Variants in EXD1 observed in about 807,000 individuals in gnomAD.
The protein encoded by EXD1 is exonuclease 3'-5' domain containing 1.
Under a neutral mutation model 49.1 loss-of-function variants are expected in EXD1, and 63 were observed. The ratio of observed to expected loss-of-function variants is 1.28; its 90% CI spans 1.05 to 1.58. The LOEUF (loss-of-function observed/expected upper bound fraction) is 1.58, where lower values mean the gene tolerates loss of function less well. EXD1 is among the 40% of genes most tolerant of loss of function. The pLI is 0.00. For missense variants in EXD1, 748 were observed against 666.0 expected (o/e 1.12, Z -1.36); for synonymous variants, 234 against 239.2 (o/e 0.98, Z 0.20).
intron 11 of EXD1, among the ~76,000 whole-genome samples, chr15:41,188,793 T>G (rs1391028385): frequency 6.8e-6 from 1 of 146,358 alleles, no homozygotes; most frequent in Non-Finnish European, 1.5e-5. Context: ...TTTTTTTTCT[T>G]TTCTTTCTTC....
chr15:41,207,050 G>A (rs1390691107), intron 7 of EXD1, among the ~76,000 whole-genome samples: 1 of 143,136 alleles, frequency 7.0e-6, no homozygotes, highest in African/African-American at 2.6e-5. Context: ...AGACCAGCCT[G>A]GCCAACGTGG....
At chr15:41,207,410 T>C (rs1336316763) in intron 7 of EXD1, among the ~76,000 whole-genome samples, 1 of 151,352 alleles carries the variant, frequency 6.6e-6, no homozygotes, top group Admixed American at 6.6e-5. Context: ...TGGTGGCACA[T>C]GCCTGTAATC....
chr15:41,190,466 C>CT, intron 10 of EXD1: 1 of 261,622 alleles, frequency 3.8e-6, no homozygotes, highest in Non-Finnish European at 7.6e-6. Flanking sequence ...GGTGACAGAG[C>CT]GAGACTCCGT....
chr15:41,207,269 T>C (rs1228059692), intron 7 of EXD1, among the ~76,000 whole-genome samples: 2 of 149,928 alleles, frequency 1.3e-5, no homozygotes, highest in African/African-American at 4.9e-5. Context: ...TGGCAGGGTG[T>C]GGTGGCTCAT....
intron 7 of EXD1, among the ~76,000 whole-genome samples, chr15:41,199,761 T>TA (rs1555414722): frequency 3.0e-5 from 4 of 135,494 alleles, no homozygotes; most frequent in South Asian, 2.2e-4. Context: ...ATATGATACA[T>TA]ATATGATATA....
rs775867180 is a variant in EXD1 at position 41,183,977 on chromosome 15, A to G, written c.1673T>C (p.Leu558Ser). Residue 558 changes from leucine to serine, a missense_variant, in exon 12 of 12, where the codon TTG (leucine) becomes TCG (serine). Leu to Ser is a moderately radical substitution (Grantham distance 145). Transcript: ENST00000458580. The stretch of plus-strand genomic sequence containing the variant: ...ACTTATCCAGGAATCGATCTTCTCC[A>G]AGGCTGGACAGGGAGGGAGTGTGGA... ...VVSTLPPCPA[L>S]EKIDSWISPF... The G allele has an allele frequency of 9.0e-5, 145 of 1,611,752 alleles. 1 individual carries two copies. Among genetic ancestry groups the G allele is most frequent in the Non-Finnish European group, 1.0e-5 (12 of 1,178,892 alleles).
At chr15:41,225,161 G>T (rs527869662) in intron 2 of EXD1, among the ~76,000 whole-genome samples, 1 of 152,152 alleles carries the variant, frequency 6.6e-6, no homozygotes, top group Non-Finnish European at 1.5e-5. Context: ...CCATTGCACT[G>T]TTCTTCAGCT....
intron 9 of EXD1, among the ~76,000 whole-genome samples, chr15:41,193,659 G>C (rs1354785539): frequency 1.3e-5 from 2 of 151,950 alleles, no homozygotes; most frequent in Non-Finnish European, 2.9e-5. Context: ...AGGATGGCTT[G>C]AGCCCAGGAC....
At position 41,191,615 on chromosome 15, in the gene EXD1, A is replaced by T. The variant is rs753775128; in HGVS notation, c.721-30T>A. On this transcript the variant is annotated intron_variant, in intron 9 of 11. Transcript: ENST00000458580. Reference sequence around the variant, plus strand: ...GGTATTTTAAAAAGACAAACAGACCAGTTGAATATATACAGAGAGCTATCT... The same window carrying T: ...GGTATTTTAAAAAGACAAACAGACCTGTTGAATATATACAGAGAGCTATCT... 4 of 1,606,150 alleles carry T rather than the reference A, an allele frequency of 2.5e-6. No homozygotes were observed. The Admixed American group carries it at 5.0e-5, about 20-fold the overall frequency.
chr15:41,202,100 A>G (rs2046738472), intron 7 of EXD1, among the ~76,000 whole-genome samples: 1 of 151,966 alleles, frequency 6.6e-6, no homozygotes, highest in Admixed American at 6.6e-5. Flanking sequence ...GAACTATGTT[A>G]TAGCTACAAT....
intron 10 of EXD1, 145 bp from the exon 11 acceptor site, chr15:41,190,273 G>A: frequency 1.3e-6 from 1 of 779,142 alleles, no homozygotes; most frequent in Non-Finnish European, 2.1e-6. Context: ...AAGACATCAA[G>A]ACCATCCTGG....
chr15:41,209,797 A>G (rs950506959), intron 6 of EXD1, among the ~76,000 whole-genome samples: 1 of 152,188 alleles, frequency 6.6e-6, no homozygotes, highest in African/African-American at 2.4e-5. Context: ...TGTTTTAGCA[A>G]AAGTGTTCCA....
chr15:41,213,805 T>G lies in EXD1; in HGVS notation c.447+1970A>C, dbSNP rs575320646. Among the ~76,000 whole-genome samples, 229 of 152,238 alleles carry G rather than the reference T, an allele frequency of 1.5e-3. 1 individual carries two copies. Among genetic ancestry groups the G allele is most frequent in the African/African-American group, 5.3e-3 (222 of 41,536 alleles). On this transcript the variant is annotated intron_variant, in intron 6 of 11. Transcript: ENST00000458580. ...TGGTATACTGAAAATATTCTAAAAT[T>G]TATTATGTTGCTTTACTTACAACTC...
chr15:41,209,403 C>T (rs1402770466), intron 7 of EXD1, 98 bp downstream of exon 7: 3 of 998,646 alleles, frequency 3.0e-6, no homozygotes, highest in East Asian at 2.6e-5. Context: ...GAGTGAGATC[C>T]CATCTCTAAA....
chr15:41,229,545 G>C (rs1216199571), intron 1 of EXD1, among the ~76,000 whole-genome samples: 1 of 152,130 alleles, frequency 6.6e-6, no homozygotes, highest in Non-Finnish European at 1.5e-5. Flanking sequence ...GAAGCGGGCA[G>C]ATCACCTGAG....
rs746726661 is a variant in EXD1, at chr15:41,184,477, T to G, written c.1173A>C (p.Thr391=). 2 of 1,614,192 alleles carry G rather than the reference T, an allele frequency of 1.2e-6. No homozygotes were observed. The highest frequency in any genetic ancestry group is 2.2e-5 in the South Asian group (2 of 91,082). ...RVNAQGLLIR[T]VLQPKKLVTE... Reference sequence around the variant, plus strand: ...TCACTAATTTCTTTGGCTGTAGCACTGTCCTTATCAGGAGTCCCTGTGCAT... The same window carrying G: ...TCACTAATTTCTTTGGCTGTAGCACGGTCCTTATCAGGAGTCCCTGTGCAT... Residue 391 remains threonine (T), a synonymous_variant, in exon 12 of 12, where the codon ACA becomes ACC. Transcript: ENST00000458580.
intron 6 of EXD1, among the ~76,000 whole-genome samples, chr15:41,213,267 T>C (rs902579953): frequency 3.3e-5 from 5 of 152,012 alleles, no homozygotes; most frequent in Non-Finnish European, 7.4e-5. Flanking sequence ...AGTGGCACGA[T>C]CTTGGCTCAC....
chr15:41,184,617 G>A, intron 11 of EXD1, 24 bp from the exon 12 acceptor site: 4 of 1,535,600 alleles, frequency 2.6e-6, no homozygotes, highest in Non-Finnish European at 3.5e-6. Flanking sequence ...GCGAACACAA[G>A]TTTATTATAA....
At position 41,217,748 on chromosome 15, in the gene EXD1, C is replaced by G. The variant is rs1402569; in HGVS notation, c.203-594G>C. On this transcript the variant is annotated intron_variant, in intron 3 of 11. Transcript: ENST00000458580. ...ACGGGGTTTCACCATTGTGGCCAGG[C>G]TGGTCTCAATCTCTTGACCTCTTGA... 1.5e-3 allele frequency among the ~76,000 whole-genome samples: 231 copies of G among 152,002 alleles called. 1 individual carries two copies. Among genetic ancestry groups the G allele is most frequent in the African/African-American group, 5.4e-3 (223 of 41,416 alleles).
Sources: gnomAD v4.1 joint callset for allele counts (sites outside exome capture counted in the v4.1 genomes callset) on GRCh38, gnomAD v4.1.1 for gene constraint, MANE v1.5 for transcripts, NCBI Gene and HGNC (gene_info 2026-07-23, HGNC 2026-07-21) for gene names.